CACNA1B: variants seen among roughly 807,000 people sequenced by gnomAD.
The protein encoded by CACNA1B is voltage-dependent N-type calcium channel subunit alpha-1B.
A neutral mutation model predicts 247.2 loss-of-function variants in CACNA1B; 70 were observed. The ratio of observed to expected loss-of-function variants is 0.28; its 90% CI spans 0.23 to 0.35. The LOEUF is 0.35. Among genes scored for constraint, CACNA1B ranks in the 10% least tolerant of loss-of-function variants. CACNA1B has a pLI of 1.00. For synonymous variants in CACNA1B, 1,231 were observed against 1,294.4 expected (o/e 0.95, Z 1.05); for missense variants, 2,367 against 3,197.4 (o/e 0.74, Z 6.26).
At chr9:138,060,334 G>A (rs893306320) in intron 31 of CACNA1B, among the ~76,000 whole-genome samples, 2 of 152,296 alleles carry the variant, frequency 1.3e-5, no homozygotes, top group East Asian at 1.9e-4. Flanking sequence ...TTGAATTCTC[G>A]AGAAGCAGAC....
intron 10 of CACNA1B, among the ~76,000 whole-genome samples, chr9:137,961,059 G>T (rs1457874333): frequency 2.0e-5 from 3 of 152,014 alleles, no homozygotes; most frequent in Non-Finnish European, 4.4e-5. Context: ...GGGGTTGTTT[G>T]TTCTCTCAGC....
chr9:137,997,184 G>A (rs1589056288), intron 15 of CACNA1B, among the ~76,000 whole-genome samples: 1 of 152,272 alleles, frequency 6.6e-6, no homozygotes, highest in South Asian at 2.1e-4. Flanking sequence ...AAACTGGATG[G>A]GCATGTAGGG....
rs745875738 is a variant in CACNA1B, at chr9:138,121,820, G to A, written c.6841G>A (p.Glu2281Lys). 8.1e-6 allele frequency: 13 copies of A among 1,613,156 alleles called. No individual in the cohort carries two copies. The African/African-American group carries it at 9.3e-5, about 12-fold the overall frequency. Reference protein sequence around the residue: ...HALPEDTLTFEEAVATNSGRS... With the variant: ...HALPEDTLTFKEAVATNSGRS... ...CCTGCCTGAGGACACTCTCACTTTC[G>A]AGGAGGCTGTGGCCACCAACTCGGG... is the stretch of plus-strand genomic sequence containing the variant. The change falls in exon 47 of 47, where the codon GAG (glutamate) becomes AAG (lysine). Residue 2281 changes from glutamate to lysine, a missense_variant. Physicochemically the swap from Glu to Lys is moderately conservative, Grantham distance 56 (BLOSUM62 1). Around this residue, in one of 12 missense-constraint regions of CACNA1B, gnomAD observed 773 missense variants for 779.4 expected, o/e 0.99. Coordinates refer to ENST00000371372, the MANE Select transcript of CACNA1B (RefSeq NM_000718.4). The surrounding 1 kb of genome is among the most constrained non-coding windows in gnomAD (Gnocchi z 6.8).
chr9:137,938,903 T>C (rs1589019529), intron 6 of CACNA1B, among the ~76,000 whole-genome samples: 1 of 152,060 alleles, frequency 6.6e-6, no homozygotes, highest in East Asian at 1.9e-4. Context: ...TGAAACCCTG[T>C]CTCTACTAAA....
intron 18 of CACNA1B, among the ~76,000 whole-genome samples, chr9:138,015,856 C>A (rs549906388): frequency 6.6e-6 from 1 of 152,312 alleles, no homozygotes; most frequent in South Asian, 2.1e-4. Context: ...TGGTTCTCTG[C>A]TGGGTCAGCC....
At position 138,121,648 on chromosome 9, in the gene CACNA1B, C is replaced by T; in HGVS notation, c.6669C>T (p.Phe2223=). Residue 2223 remains phenylalanine (F), a synonymous_variant, in exon 47 of 47, where the codon TTC becomes TTT. Coordinates refer to ENST00000371372, the MANE Select transcript of CACNA1B (RefSeq NM_000718.4). This position sits in a 1 kb window ranked among gnomAD's most constrained non-coding sequence, Gnocchi z 6.8. ...GGGCTCAGACCAGCCTCCCTGCCTTCTCCCCAGGCCGGCTCAGCCGTGGGC... is the reference window on the plus strand; with the variant it reads ...GGGCTCAGACCAGCCTCCCTGCCTTTTCCCCAGGCCGGCTCAGCCGTGGGC... ...FAGAQTSLPA[F]SPGRLSRGLS... is the part of the protein sequence containing the mutation. 1 of 1,612,908 alleles carries T rather than the reference C, an allele frequency of 6.2e-7. No homozygotes were observed. The highest frequency in any genetic ancestry group is 8.5e-7 in the Non-Finnish European group (1 of 1,179,258).
chr9:138,092,307 C>T (rs2131337214), intron 36 of CACNA1B, among the ~76,000 whole-genome samples: 3 of 152,326 alleles, frequency 2.0e-5, no homozygotes, highest in Admixed American at 2.0e-4. Context: ...CCACATAAGG[C>T]ACACAATCCC....
At chr9:137,983,047 C>G (rs1206155798) in intron 12 of CACNA1B, among the ~76,000 whole-genome samples, 13 of 152,320 alleles carry the variant, frequency 8.5e-5, no homozygotes, top group African/African-American at 2.6e-4. Flanking sequence ...CCACAGGGCT[C>G]TGTCTTAGCA....
chr9:137,891,672 A>C lies in CACNA1B; in HGVS notation c.530+8789A>C. 4.4e-6 allele frequency: 1 copy of C among 228,264 alleles called. No individual in the cohort carries two copies. The highest frequency in any genetic ancestry group is 8.7e-6 in the Non-Finnish European group (1 of 114,522). 14.1% of individuals were successfully genotyped at this position (228,264 alleles called of 1,614,324 possible). A position where few individuals can be genotyped will look rare whatever the true frequency, so the allele number is the denominator to read the frequency against. On this transcript the variant is annotated intron_variant, in intron 3 of 46. Coordinates refer to ENST00000371372, the MANE Select transcript of CACNA1B (RefSeq NM_000718.4). This position sits in a 1 kb window ranked among gnomAD's most constrained non-coding sequence, Gnocchi z 4.3. ...GCGGCAGAGTTGCAGATTCACACTG[A>C]GGTGAGGATGGTTGCTAATGGCTTC...
In CACNA1B at chr9:137,882,496, A is replaced by G. The variant is rs1369218076; in HGVS notation, c.391-248A>G. ...TGGGAGGCACGAGGGGCCTGCAGGCATGACTGGGATGTTGCTGCTGTAAAC... is the reference window on the plus strand; with the variant it reads ...TGGGAGGCACGAGGGGCCTGCAGGCGTGACTGGGATGTTGCTGCTGTAAAC... On this transcript the variant is annotated intron_variant, in intron 2 of 46. Transcript: ENST00000371372. The surrounding 1 kb of genome is among the most constrained non-coding windows in gnomAD (Gnocchi z 4.0). Among the ~76,000 whole-genome samples, 1 of 152,202 alleles carries G rather than the reference A, an allele frequency of 6.6e-6. No homozygotes were observed. Among genetic ancestry groups the G allele is most frequent in the African/African-American group, 2.4e-5 (1 of 41,458 alleles).
In CACNA1B at chr9:138,121,473, G is replaced by A; in HGVS notation, c.6494G>A (p.Ser2165Asn). 1 of 1,501,310 alleles carries A rather than the reference G, an allele frequency of 6.7e-7. No homozygotes were observed. The highest frequency in any genetic ancestry group is 8.9e-7 in the Non-Finnish European group (1 of 1,122,808). The allele number at this position is 1,501,310 out of a possible 1,614,324, so 93.0% of individuals were successfully genotyped here. A position where few individuals can be genotyped will look rare whatever the true frequency, so the allele number is the denominator to read the frequency against. The change falls in exon 47 of 47, where the codon AGT (serine) becomes AAT (asparagine). Residue 2165 changes from serine (S) to asparagine (N), a missense_variant. This residue lies in a region of CACNA1B where 773 missense variants were observed against 779.4 expected (regional missense o/e 0.99). Coordinates refer to ENST00000371372, the MANE Select transcript of CACNA1B (RefSeq NM_000718.4). The surrounding 1 kb of genome is among the most constrained non-coding windows in gnomAD (Gnocchi z 6.8). Reference protein sequence around the residue: ...GQEPGPHPQGSGSVNGSPLLS... With the variant: ...GQEPGPHPQGNGSVNGSPLLS... Reference sequence around the variant, plus strand: ...TTCTGGTCCATTTTCATGTAGGGCAGTGGTTCCGTGAATGGGAGCCCCTTG... The same window carrying A: ...TTCTGGTCCATTTTCATGTAGGGCAATGGTTCCGTGAATGGGAGCCCCTTG...
chr9:137,993,318 A>G (rs1370598507), intron 15 of CACNA1B, among the ~76,000 whole-genome samples: 1 of 114,856 alleles, frequency 8.7e-6, no homozygotes, highest in Non-Finnish European at 1.7e-5. Context: ...CTAGATAGAT[A>G]AAATTTAAAT....
intron 6 of CACNA1B, among the ~76,000 whole-genome samples, chr9:137,929,689 G>A (rs1957588020): frequency 6.6e-6 from 1 of 152,180 alleles, no homozygotes; most frequent in Non-Finnish European, 1.5e-5. Flanking sequence ...GTCTTACTGT[G>A]TCACTCAGGC....
chr9:138,058,328 C>T lies in CACNA1B; in HGVS notation c.4308+78C>T. On this transcript the variant is annotated intron_variant, in intron 28 of 46. Transcript: ENST00000371372. The surrounding 1 kb of genome is among the most constrained non-coding windows in gnomAD (Gnocchi z 4.7). ...AGGCTTCCCTCCTGCACACAAATCACTCACAGCTGGGTCAGCTTTGGCTGC... is the reference window on the plus strand; with the variant it reads ...AGGCTTCCCTCCTGCACACAAATCATTCACAGCTGGGTCAGCTTTGGCTGC... The T allele has an allele frequency of 8.6e-6, 11 of 1,281,770 alleles. No homozygotes were observed. Among genetic ancestry groups the T allele is most frequent in the Admixed American group, 1.7e-5 (1 of 59,110 alleles). The allele number at this position is 1,281,770 out of a possible 1,614,324, so 79.4% of individuals were successfully genotyped here. A position where few individuals can be genotyped will look rare whatever the true frequency, so the allele number is the denominator to read the frequency against.
intron 3 of CACNA1B, among the ~76,000 whole-genome samples, chr9:137,893,083 C>G (rs940927394): frequency 6.6e-6 from 1 of 152,194 alleles, no homozygotes; most frequent in African/African-American, 2.4e-5. Context: ...CCCCCACCCT[C>G]CCAGGAGGTG....
chr9:137,916,879 G>A (rs1203720121), intron 5 of CACNA1B, among the ~76,000 whole-genome samples: 2 of 152,118 alleles, frequency 1.3e-5, no homozygotes, highest in Non-Finnish European at 2.9e-5. Flanking sequence ...CAGCGTGGCG[G>A]TTTGGCTGTG....
intron 15 of CACNA1B, among the ~76,000 whole-genome samples, chr9:137,994,706 C>T (rs1320868014): frequency 6.6e-6 from 1 of 152,146 alleles, no homozygotes; most frequent in East Asian, 1.9e-4. Flanking sequence ...TGAAAGAAAT[C>T]ATAGACGACA....
chr9:138,090,701 C>CAAAAAAAAAAAAA lies in CACNA1B; in HGVS notation c.5095-5762_5095-5750dup, dbSNP rs1173964720. On this transcript the variant is annotated intron_variant, in intron 36 of 46. Coordinates refer to ENST00000371372, the MANE Select transcript of CACNA1B (RefSeq NM_000718.4). ...TACAAGGTGAAACTCAACCCATCAGCAAAAAAAAAAAAAAAAAAAAAAAAA... is the reference window on the plus strand; with the variant it reads ...TACAAGGTGAAACTCAACCCATCAGCAAAAAAAAAAAAAAAAAAAAAAAAAAAAAAAAAAAAAA... 2.2e-3 allele frequency among the ~76,000 whole-genome samples: 36 copies of CAAAAAAAAAAAAA among 16,590 alleles called. 2 individuals carry two copies. Among genetic ancestry groups the CAAAAAAAAAAAAA allele is most frequent in the Middle Eastern group, 0.056 (1 of 18 alleles). The allele number at this position is 16,590 out of a possible 152,430, so 10.9% of individuals were successfully genotyped here. A position where few individuals can be genotyped will look rare whatever the true frequency, so the allele number is the denominator to read the frequency against.
intron 10 of CACNA1B, among the ~76,000 whole-genome samples, chr9:137,967,722 T>G (rs1470988714): frequency 6.6e-6 from 1 of 152,200 alleles, no homozygotes; most frequent in Non-Finnish European, 1.5e-5. Flanking sequence ...CTGTTGCACA[T>G]GAGGCATCGG....
Sources: allele counts gnomAD v4.1 joint callset (sites outside exome capture counted in the v4.1 genomes callset), GRCh38; gene constraint gnomAD v4.1.1; regional missense constraint gnomAD v4.1.1; non-coding constraint Gnocchi (gnomAD v3.1); transcripts MANE v1.5; gene names NCBI Gene and HGNC (gene_info 2026-07-23, HGNC 2026-07-21).